CRADD: variants seen among roughly 807,000 people sequenced by gnomAD.
The protein encoded by CRADD is death domain-containing protein CRADD.
In CRADD, 9 loss-of-function variants were observed where a neutral mutation model predicts 15.5. The ratio of observed to expected loss-of-function variants is 0.58; its 90% CI spans 0.35 to 1.01. The LOEUF is 1.01. CRADD is among the 50% of genes least tolerant of loss of function. CRADD has a pLI of 0.02. For missense variants in CRADD, 227 were observed against 250.3 expected (o/e 0.91, Z 0.63); for synonymous variants, 118 against 107.6 (o/e 1.10, Z -0.60).
chr12:93,797,883 G>C (rs1189298952), intron 2 of CRADD, among the ~76,000 whole-genome samples: 1 of 152,216 alleles, frequency 6.6e-6, no homozygotes, highest in Non-Finnish European at 1.5e-5. Flanking sequence ...GGCAGTTCCT[G>C]CCTTTAGGGG....
chr12:93,831,338 C>G (rs1957898558), intron 2 of CRADD: 1 of 152,226 alleles, frequency 6.6e-6, no homozygotes, highest in Non-Finnish European at 1.5e-5. Flanking sequence ...AGCCACTGCA[C>G]TCTGGCCTGG....
chr12:93,793,648 T>A (rs535528706), intron 2 of CRADD, among the ~76,000 whole-genome samples: 1 of 152,330 alleles, frequency 6.6e-6, no homozygotes, highest in Admixed American at 6.5e-5. Context: ...CTTACAATGA[T>A]GTCTGGGATT....
chr12:93,781,597 A>T (rs569029992), intron 2 of CRADD, among the ~76,000 whole-genome samples: 1 of 152,362 alleles, frequency 6.6e-6, no homozygotes, highest in Admixed American at 6.5e-5. Flanking sequence ...GAACAGCCGA[A>T]CGTTAGTTAT....
intron 2 of CRADD, among the ~76,000 whole-genome samples, chr12:93,823,337 CA>C (rs1957789736): frequency 6.6e-6 from 1 of 151,470 alleles, no homozygotes; most frequent in Non-Finnish European, 1.5e-5. Context: ...AATATGCTAG[CA>C]TTGTTGATTT....
intron 2 of CRADD, among the ~76,000 whole-genome samples, chr12:93,892,968 G>C (rs149794957): frequency 1.3e-5 from 2 of 152,328 alleles, no homozygotes; most frequent in East Asian, 3.9e-4. Flanking sequence ...TCTTCCGAAA[G>C]AACACAGGCT....
chr12:93,852,907 A>G (rs1958240639), downstream of CRADD, among the ~76,000 whole-genome samples: 2 of 151,990 alleles, frequency 1.3e-5, no homozygotes, highest in African/African-American at 4.8e-5. Flanking sequence ...TTTTAAAACT[A>G]TAACTTTTAT....
At position 93,824,541 on chromosome 12, in the gene CRADD, CA is replaced by C. The variant is rs1167630471; in HGVS notation, c.299-25423del. 1.3e-5 allele frequency among the ~76,000 whole-genome samples: 2 copies of C among 151,958 alleles called. No individual in the cohort carries two copies. The highest frequency in any genetic ancestry group is 2.9e-5 in the Non-Finnish European group (2 of 67,974). ...AGTACCTTGCTGCTGGAAAAGAAGTCAAAAAATTGCTTTGAAGAGTATATTT... is the reference window on the plus strand; with the variant it reads ...AGTACCTTGCTGCTGGAAAAGAAGTCAAAAATTGCTTTGAAGAGTATATTT... On this transcript the variant is annotated intron_variant, in intron 2 of 2. Coordinates refer to ENST00000332896, the MANE Select transcript of CRADD (RefSeq NM_003805.5). This position sits in a 1 kb window ranked among gnomAD's most constrained non-coding sequence, Gnocchi z 4.3.
intron 2 of CRADD, among the ~76,000 whole-genome samples, chr12:93,762,030 A>G (rs1383039088): frequency 6.6e-6 from 1 of 152,218 alleles, no homozygotes; most frequent in African/African-American, 2.4e-5. Flanking sequence ...TTCAATAAAA[A>G]ACTAAAACAA....
chr12:93,710,345 CTTTTTTT>C lies in CRADD; in HGVS notation c.298+31285_298+31291del, dbSNP rs34912218. Among the ~76,000 whole-genome samples, 89 of 128,274 alleles carry C rather than the reference CTTTTTTT, an allele frequency of 6.9e-4. 1 individual carries two copies. The highest frequency in any genetic ancestry group is 2.6e-3 in the African/African-American group (88 of 34,252). The allele number at this position is 128,274 out of a possible 152,430, so 84.2% of individuals were successfully genotyped here. On this transcript the variant is annotated intron_variant, in intron 2 of 2. Coordinates refer to ENST00000332896, the MANE Select transcript of CRADD (RefSeq NM_003805.5). ...AAGCTTTTACTTCATTTTCCTTTTC[CTTTTTTT>C]TTTTTTTTTTTGAGACGGAGTCTTG... is the stretch of plus-strand genomic sequence containing the variant.
intron 2 of CRADD, among the ~76,000 whole-genome samples, chr12:93,726,042 T>A (rs17021512): frequency 0.02 from 3,105 of 152,034 alleles, 80 homozygotes; most frequent in East Asian, 0.092. Flanking sequence ...GTGGCTCTAA[T>A]TGTTTCTGTG....
At chr12:93,690,786 C>A (rs991926263) in intron 2 of CRADD, among the ~76,000 whole-genome samples, 1 of 152,160 alleles carries the variant, frequency 6.6e-6, no homozygotes, top group Admixed American at 6.5e-5. Flanking sequence ...CTGTCTCTAT[C>A]GGTCTACTAC....
chr12:93,892,335 A>G lies in CRADD; in HGVS notation c.299-1715A>G, dbSNP rs147534920. On this transcript the variant is annotated intron_variant, in intron 2 of 2. Coordinates refer to the CRADD transcript ENST00000548483. ...CTTAAAAATATTGCATTAAAATATT[A>G]TTTGATTATTGCGTTTATTTGGTGC... 7.6e-4 allele frequency among the ~76,000 whole-genome samples: 115 copies of G among 152,308 alleles called. 2 individuals carry two copies. The East Asian group carries it at 0.022, about 29-fold the overall frequency.
At chr12:93,757,291 G>A (rs925053751) in intron 2 of CRADD, among the ~76,000 whole-genome samples, 2 of 152,026 alleles carry the variant, frequency 1.3e-5, no homozygotes, top group Admixed American at 1.3e-4. Context: ...TGTTTTTCTT[G>A]GTTTTACTGT....
chr12:93,881,459 A>G (rs946678806), intron 2 of CRADD, among the ~76,000 whole-genome samples: 2 of 150,984 alleles, frequency 1.3e-5, no homozygotes, highest in African/African-American at 4.9e-5. Flanking sequence ...GTGGGGATCA[A>G]TCCTTTGCAG....
intron 2 of CRADD, among the ~76,000 whole-genome samples, chr12:93,892,116 T>A (rs989525555): frequency 1.3e-5 from 2 of 152,168 alleles, no homozygotes; most frequent in African/African-American, 4.8e-5. Flanking sequence ...CAAAGACCCC[T>A]GCTCTTCTGT....
intron 2 of CRADD, among the ~76,000 whole-genome samples, chr12:93,776,049 C>T (rs966260630): frequency 2.0e-5 from 3 of 152,182 alleles, no homozygotes; most frequent in African/African-American, 7.2e-5. Flanking sequence ...TTTATATGGA[C>T]ATTCAAGCAC....
At position 93,825,871 on chromosome 12, in the gene CRADD, T is replaced by C. The variant is rs560603664; in HGVS notation, c.299-24099T>C. ...GGCAACATGGCCTCCTCCTTCCATC[T>C]CCCTGATGGTTTTGTCTTCCCCATT... On this transcript the variant is annotated intron_variant, in intron 2 of 2. Transcript: ENST00000332896. 5.3e-5 allele frequency among the ~76,000 whole-genome samples: 8 copies of C among 152,340 alleles called. 1 individual carries two copies. The highest frequency in any genetic ancestry group is 1.9e-4 in the African/African-American group (8 of 41,582).
chr12:93,839,213 C>T (rs1322899634), intron 2 of CRADD, among the ~76,000 whole-genome samples: 1 of 152,150 alleles, frequency 6.6e-6, no homozygotes, highest in Admixed American at 6.5e-5. Flanking sequence ...ATCTCTTCCC[C>T]CAGCAATGAG....
chr12:93,873,210 G>T (rs1343864374), intron 2 of CRADD, among the ~76,000 whole-genome samples: 1 of 150,538 alleles, frequency 6.6e-6, no homozygotes, highest in Non-Finnish European at 1.5e-5. Flanking sequence ...TCTTCAGATT[G>T]CTAACTGTTG....
Sources: allele counts gnomAD v4.1 joint callset (sites outside exome capture counted in the v4.1 genomes callset), GRCh38; gene constraint gnomAD v4.1.1; non-coding constraint Gnocchi (gnomAD v3.1); transcripts MANE v1.5; gene names NCBI Gene and HGNC (gene_info 2026-07-23, HGNC 2026-07-21).